Variants in HHAT observed in about 807,000 individuals in gnomAD.
HHAT encodes hedgehog acyltransferase.
Under a neutral mutation model 70.8 loss-of-function variants are expected in HHAT, and 47 were observed. The observed-to-expected ratio is 0.66, with a 90% CI of 0.53 to 0.85. HHAT has a LOEUF of 0.85. Among genes scored for constraint, HHAT ranks in the 40% least tolerant of loss-of-function variants. The pLI, the probability that HHAT is intolerant of heterozygous loss-of-function variation, is 0.00. For missense variants in HHAT, 609 were observed against 604.8 expected (o/e 1.01, Z -0.07); for synonymous variants, 228 against 247.6 (o/e 0.92, Z 0.74).
chr1:210,535,287 G>A (rs1243038904), intron 9 of HHAT, among the ~76,000 whole-genome samples: 1 of 152,094 alleles, frequency 6.6e-6, no homozygotes, highest in Non-Finnish European at 1.5e-5. Flanking sequence ...CTACGTAACA[G>A]GGTTTTGTGT....
chr1:210,635,764 G>C (rs1671755982), intron 11 of HHAT, among the ~76,000 whole-genome samples: 1 of 152,204 alleles, frequency 6.6e-6, no homozygotes, highest in South Asian at 2.1e-4. Context: ...GGTCACTCCA[G>C]ATTTCCCCTC....
intron 7 of HHAT, among the ~76,000 whole-genome samples, chr1:210,434,196 C>T (rs543121306): frequency 2.6e-5 from 4 of 151,906 alleles, no homozygotes; most frequent in African/African-American, 7.3e-5. Context: ...GCAAATGAGT[C>T]GTGATTGACT....
At position 210,349,086 on chromosome 1, in the gene HHAT, A is replaced by G. The variant is rs2147971923; in HGVS notation, c.91+20A>G. ...CCAGAGGTAAGGCCCCAAGCTTTTC[A>G]GACCTCCTATCAAACAAGGAAACTC... On this transcript the variant is annotated intron_variant, in intron 2 of 11. Coordinates refer to ENST00000261458, the MANE Select transcript of HHAT (RefSeq NM_018194.6). 3 of 1,609,978 alleles carry G rather than the reference A, an allele frequency of 1.9e-6. No individual in the cohort carries two copies. Among genetic ancestry groups the G allele is most frequent in the Non-Finnish European group, 2.5e-6 (3 of 1,178,672 alleles).
intron 7 of HHAT, among the ~76,000 whole-genome samples, chr1:210,424,856 A>G (rs576213879): frequency 6.6e-5 from 10 of 152,246 alleles, no homozygotes; most frequent in South Asian, 2.1e-4. Context: ...TCCTCTCAGT[A>G]TATACCCAGT....
At chr1:210,428,193 T>C (rs2093127382) in intron 7 of HHAT, among the ~76,000 whole-genome samples, 1 of 150,172 alleles carries the variant, frequency 6.7e-6, no homozygotes, top group African/African-American at 2.5e-5. Flanking sequence ...CAGAGATCAG[T>C]ACTGATAAAC....
chr1:210,488,105 G>A (rs1442481465), intron 8 of HHAT, among the ~76,000 whole-genome samples: 30 of 152,178 alleles, frequency 2.0e-4, no homozygotes, highest in Admixed American at 1.8e-3. Flanking sequence ...CAAAGATCCT[G>A]AAGGGTGGAA....
intron 1 of HHAT, among the ~76,000 whole-genome samples, chr1:210,334,590 C>G (rs2085309983): frequency 1.3e-5 from 2 of 152,012 alleles, no homozygotes; most frequent in Non-Finnish European, 2.9e-5. Flanking sequence ...ATCTACCTGC[C>G]CTGCTCCTTC....
intron 9 of HHAT, among the ~76,000 whole-genome samples, chr1:210,539,151 A>G (rs10863842): frequency 0.064 from 9,782 of 152,050 alleles, 628 homozygotes; most frequent in East Asian, 0.3. Flanking sequence ...GGAACAAAAG[A>G]AAAAGGTACA....
At chr1:210,615,616 G>A (rs1465782137) in intron 10 of HHAT, among the ~76,000 whole-genome samples, 1 of 152,188 alleles carries the variant, frequency 6.6e-6, no homozygotes, top group Non-Finnish European at 1.5e-5. Flanking sequence ...TGGGGTTTTG[G>A]TGTGGATGTC....
At chr1:210,473,480 C>T (rs1029480122) in intron 8 of HHAT, among the ~76,000 whole-genome samples, 4 of 151,962 alleles carry the variant, frequency 2.6e-5, no homozygotes, top group African/African-American at 9.7e-5. Flanking sequence ...CAGTTTACAG[C>T]ACCGAGGGGG....
intron 3 of HHAT, among the ~76,000 whole-genome samples, chr1:210,363,490 G>A (rs2088581469): frequency 6.6e-6 from 1 of 152,196 alleles, no homozygotes; most frequent in Non-Finnish European, 1.5e-5. Flanking sequence ...TTCTGTGCTA[G>A]AGTATATATT....
intron 8 of HHAT, among the ~76,000 whole-genome samples, chr1:210,493,944 C>T (rs1206848564): frequency 1.3e-5 from 2 of 152,188 alleles, no homozygotes; most frequent in African/African-American, 4.8e-5. Flanking sequence ...AAAGTAGGCA[C>T]TTGAAATTGA....
Position 210,585,961 on chromosome 1 carries a change from C to T in HHAT, c.1044-1937C>T, listed in dbSNP as rs1660349751. Among the ~76,000 whole-genome samples, 5 of 152,176 alleles carry T rather than the reference C, an allele frequency of 3.3e-5. No homozygotes were observed. The South Asian group carries it at 1.0e-3, about 32-fold the overall frequency. ...TTGCAGGTGGGGGGTTCGTTCTAAA[C>T]TGACTTAGCAGGATTCTTGCTACAA... On this transcript the variant is annotated intron_variant, in intron 9 of 11. Transcript: ENST00000261458.
chr1:210,666,969 A>T (rs1679024282), intron 11 of HHAT, among the ~76,000 whole-genome samples: 1 of 140,686 alleles, frequency 7.1e-6, no homozygotes, highest in Non-Finnish European at 1.6e-5. Context: ...AGTCCCAGCT[A>T]CTCAGGAGGC....
At chr1:210,453,193 AAG>A (rs2093790303) in intron 7 of HHAT, among the ~76,000 whole-genome samples, 1 of 152,236 alleles carries the variant, frequency 6.6e-6, no homozygotes. Flanking sequence ...CAGTTAGCAT[AAG>A]ATTCCTTTCT....
chr1:210,438,697 A>G (rs2093436369), intron 7 of HHAT, among the ~76,000 whole-genome samples: 1 of 151,802 alleles, frequency 6.6e-6, no homozygotes, highest in African/African-American at 2.4e-5. Context: ...ATGGTGGCTT[A>G]AGTTAAGCCT....
intron 6 of HHAT, among the ~76,000 whole-genome samples, chr1:210,406,442 G>A (rs2092333742): frequency 6.6e-6 from 1 of 150,384 alleles, no homozygotes; most frequent in South Asian, 2.1e-4. Context: ...CACCCAGGCT[G>A]GAGTGCAGTG....
intron 3 of HHAT, among the ~76,000 whole-genome samples, chr1:210,369,058 A>G (rs1274824190): frequency 1.3e-5 from 2 of 152,112 alleles, no homozygotes; most frequent in Non-Finnish European, 2.9e-5. Flanking sequence ...AGCCTGGGCA[A>G]CAAGAGTGAA....
chr1:210,427,106 G>C lies in HHAT; in HGVS notation c.856+8781G>C, dbSNP rs145218197. Among the ~76,000 whole-genome samples, 294 of 152,178 alleles carry C rather than the reference G, an allele frequency of 1.9e-3. 3 individuals carry two copies. Among genetic ancestry groups the C allele is most frequent in the African/African-American group, 6.8e-3 (282 of 41,524 alleles). On this transcript the variant is annotated intron_variant, in intron 7 of 11. Coordinates refer to ENST00000261458, the MANE Select transcript of HHAT (RefSeq NM_018194.6). Reference sequence around the variant, plus strand: ...TCCTGGAAATGATAACTTTCTTCTAGATTTTCTAGTTTGACATATTAATAA... The same window carrying C: ...TCCTGGAAATGATAACTTTCTTCTACATTTTCTAGTTTGACATATTAATAA...
Sources: gnomAD v4.1 joint callset for allele counts (sites outside exome capture counted in the v4.1 genomes callset) on GRCh38, gnomAD v4.1.1 for gene constraint, MANE v1.5 for transcripts, NCBI Gene and HGNC (gene_info 2026-07-23, HGNC 2026-07-21) for gene names.